The following POU2F1 variants were observed in gnomAD, a reference collection of about 807,000 sequenced individuals.
POU2F1 encodes POU class 2 homeobox 1.
A neutral mutation model predicts 84.9 loss-of-function variants in POU2F1; 16 were observed. The observed-to-expected ratio is 0.19, with a 90% confidence interval of 0.13 to 0.29. POU2F1 has a LOEUF of 0.29. Among genes scored for constraint, POU2F1 ranks in the 10% least tolerant of loss-of-function variants. The pLI is 1.00. For synonymous variants in POU2F1, 368 were observed against 368.3 expected, an observed-to-expected ratio of 1.00 and a Z score of 0.01; for missense variants, 738 against 942.6, an observed-to-expected ratio of 0.78 and a Z score of 2.84.
chr1:167,284,139 TGA>T, intron 1 of POU2F1, among the ~76,000 whole-genome samples: 1 of 152,232 alleles, frequency 6.6e-6, no homozygotes, highest in African/African-American at 2.4e-5. Context: ...ATTTCCTTAA[TGA>T]TTCAACTTTC....
chr1:167,316,220 G>T (rs111474136), intron 1 of POU2F1, among the ~76,000 whole-genome samples: 5 of 152,294 alleles, frequency 3.3e-5, no homozygotes, highest in African/African-American at 1.2e-4. Context: ...TATATCAAGA[G>T]CAATTGTTTG....
At chr1:167,252,563 T>G (rs1650810774) in intron 1 of POU2F1, among the ~76,000 whole-genome samples, 1 of 152,254 alleles carries the variant, frequency 6.6e-6, no homozygotes, top group Non-Finnish European at 1.5e-5. Flanking sequence ...CAGCGCCCTA[T>G]TAAACTCCAT....
intron 1 of POU2F1, among the ~76,000 whole-genome samples, chr1:167,240,347 G>A (rs780499332): frequency 5.3e-5 from 8 of 152,146 alleles, no homozygotes; most frequent in Non-Finnish European, 7.3e-5. Context: ...ATTACAAAAT[G>A]TATGCTTTGG....
chr1:167,261,702 C>T (rs1359211521), intron 1 of POU2F1, among the ~76,000 whole-genome samples: 2 of 152,174 alleles, frequency 1.3e-5, no homozygotes, highest in African/African-American at 2.4e-5. Context: ...TTTTTTAAGA[C>T]AGAGTCTTGC....
rs191629692 is a variant in POU2F1 at position 167,290,539 on chromosome 1, A to G, written c.62-41931A>G. On this transcript the variant is annotated intron_variant, in intron 1 of 15. Transcript: ENST00000367866. ...TTCTATATGTCTGTCCTAACTTGTC[A>G]TCCATCCAGCTGAAGCGTCTCAAGG... Among the ~76,000 whole-genome samples the G allele has an allele frequency of 3.9e-5, 6 of 152,322 alleles. No homozygotes were observed. The East Asian group carries it at 9.7e-4, about 25-fold the overall frequency.
At chr1:167,267,203 G>C (rs867250765) in intron 1 of POU2F1, among the ~76,000 whole-genome samples, 1 of 151,688 alleles carries the variant, frequency 6.6e-6, no homozygotes, top group Non-Finnish European at 1.5e-5. Context: ...TAAATGGGGT[G>C]GGGGGAAGGA....
At chr1:167,272,537 C>CT (rs1392804147) in intron 1 of POU2F1, among the ~76,000 whole-genome samples, 1 of 152,032 alleles carries the variant, frequency 6.6e-6, no homozygotes. Flanking sequence ...GGGGGAAGGC[C>CT]TCAAGAAACT....
At chr1:167,287,310 T>C (rs1175343261) in intron 1 of POU2F1, among the ~76,000 whole-genome samples, 1 of 152,206 alleles carries the variant, frequency 6.6e-6, no homozygotes, top group African/African-American at 2.4e-5. Context: ...ACTAAAATGA[T>C]CCTGAGCTAG....
At chr1:167,252,020 A>G (rs1270210414) in intron 1 of POU2F1, among the ~76,000 whole-genome samples, 2 of 149,352 alleles carry the variant, frequency 1.3e-5, no homozygotes, top group Admixed American at 1.3e-4. Flanking sequence ...AATTTTGTAT[A>G]TATATATATA....
In POU2F1 at chr1:167,247,038, ATGTGTG is replaced by A. The variant is rs10592064; in HGVS notation, c.61+26105_61+26110del. On this transcript the variant is annotated intron_variant, in intron 1 of 15. Transcript: ENST00000367866. ...TACAAGTAAATCAGGTTATATATAT[ATGTGTG>A]TGTGTGTGTGTGTGTGTGTGTGTGA... Among the ~76,000 whole-genome samples, 349 of 75,028 alleles carry A rather than the reference ATGTGTG, an allele frequency of 4.7e-3. 2 individuals are homozygous for A. The highest frequency in any genetic ancestry group is 0.011 in the South Asian group (22 of 2,062). The allele number at this position is 75,028 out of a possible 152,430, so 49.2% of individuals were successfully genotyped here. A position where few individuals can be genotyped will look rare whatever the true frequency, so the allele number is the denominator to read the frequency against.
chr1:167,378,483 T>C (rs1360616489), intron 7 of POU2F1, among the ~76,000 whole-genome samples: 6 of 150,950 alleles, frequency 4.0e-5, no homozygotes, highest in Non-Finnish European at 8.8e-5. Context: ...TTCAGCTCAC[T>C]GCAACCTCTA....
chr1:167,316,264 A>G (rs1655887131), intron 1 of POU2F1, among the ~76,000 whole-genome samples: 1 of 152,248 alleles, frequency 6.6e-6, no homozygotes, highest in African/African-American at 2.4e-5. Flanking sequence ...CATAAGACGT[A>G]ACCAGTGGAG....
intron 5 of POU2F1, among the ~76,000 whole-genome samples, chr1:167,372,565 T>C (rs1014557105): frequency 6.6e-6 from 1 of 152,226 alleles, no homozygotes; most frequent in African/African-American, 2.4e-5. Context: ...TAAATGGAGA[T>C]ACTAATAATA....
chr1:167,353,090 A>G (rs1658688775), intron 2 of POU2F1, among the ~76,000 whole-genome samples: 1 of 152,248 alleles, frequency 6.6e-6, no homozygotes, highest in African/African-American at 2.4e-5. Flanking sequence ...AGGACTCTCC[A>G]GTGCTTGAAC....
At chr1:167,300,756 C>T (rs1654632373) in intron 1 of POU2F1, among the ~76,000 whole-genome samples, 1 of 152,012 alleles carries the variant, frequency 6.6e-6, no homozygotes, top group Non-Finnish European at 1.5e-5. Context: ...AGCCACTGCA[C>T]CCAGCCTCTT....
intron 8 of POU2F1, 85 bp downstream of exon 8, chr1:167,384,036 C>A: frequency 8.7e-7 from 1 of 1,144,572 alleles, no homozygotes; most frequent in Non-Finnish European, 1.2e-6. Context: ...TTTTTTAAAT[C>A]TAATAAAAAT....
At chr1:167,357,412 A>G (rs1435210049) in intron 2 of POU2F1, 1 of 104,248 alleles carries the variant, frequency 9.6e-6, no homozygotes, top group Non-Finnish European at 1.7e-5. Context: ...ACGGGGTCTC[A>G]CTTTGTTCCC....
chr1:167,398,221 A>G (rs1177663929), intron 11 of POU2F1, 88 bp downstream of exon 11: 10 of 1,441,080 alleles, frequency 6.9e-6, no homozygotes, highest in Non-Finnish European at 9.4e-6. Flanking sequence ...GTGGTAAAAG[A>G]TGACATGTCA....
intron 1 of POU2F1, among the ~76,000 whole-genome samples, chr1:167,258,818 G>A (rs543413346): frequency 1.3e-3 from 195 of 152,326 alleles, no homozygotes; most frequent in Non-Finnish European, 2.1e-3. Flanking sequence ...GTCTACTAAT[G>A]AGAAGAATAG....
Sources: gnomAD v4.1 joint callset for allele counts (sites outside exome capture counted in the v4.1 genomes callset) on GRCh38, gnomAD v4.1.1 for gene constraint, MANE v1.5 for transcripts, NCBI Gene and HGNC (gene_info 2026-07-23, HGNC 2026-07-21) for gene names.